Variants in PCDHGA4 observed in about 807,000 individuals in gnomAD.
PCDHGA4 encodes the protein protocadherin gamma subfamily A, 4, also known as protocadherin gamma-A4.
A neutral mutation model predicts 54.6 loss-of-function variants in PCDHGA4; 38 were observed. That is an observed-to-expected ratio of 0.70 (90% CI 0.54 to 0.91). The LOEUF is 0.91. Among genes scored for constraint, PCDHGA4 ranks in the 40% least tolerant of loss-of-function variants. The probability of loss-of-function intolerance (pLI) is 0.00; values close to 1 mark genes in which losing one functional copy is unlikely to be tolerated. For synonymous variants in PCDHGA4, 511 were observed against 512.9 expected (o/e 1.00, Z 0.05); for missense variants, 1,298 against 1,220.9 (o/e 1.06, Z -0.94).
At chr5:141,470,983 C>G (rs1486663328) in intron 1 of PCDHGA4, among the ~76,000 whole-genome samples, 2 of 151,528 alleles carry the variant, frequency 1.3e-5, no homozygotes, top group African/African-American at 4.9e-5. Context: ...TCCCAAAGTG[C>G]TGGGACTACA....
At chr5:141,441,527 A>G (rs2098252922) in intron 1 of PCDHGA4, 2 of 173,076 alleles carry the variant, frequency 1.2e-5, no homozygotes, top group African/African-American at 2.4e-5. Flanking sequence ...GTGGCCAAGA[A>G]CAATCTTCCC....
At chr5:141,374,195 G>A in intron 1 of PCDHGA4, 1 of 1,613,870 alleles carries the variant, frequency 6.2e-7, no homozygotes, top group Non-Finnish European at 8.5e-7. Context: ...TATTCCCGAG[G>A]AGCTGGAGAA....
chr5:141,426,909 G>A (rs1293364217), intron 1 of PCDHGA4: 1 of 456,744 alleles, frequency 2.2e-6, no homozygotes, highest in Non-Finnish European at 4.4e-6. Flanking sequence ...TCATCTCCTG[G>A]TCCTGGAAGC....
At position 141,355,180 on chromosome 5, in the gene PCDHGA4, C is replaced by A. The variant is rs1383852861; in HGVS notation, c.73C>A (p.Arg25=). Residue 25 remains arginine (R), a synonymous_variant, in exon 1 of 4, where the codon CGA becomes AGA. Transcript: ENST00000571252. ...ASTEGKPKHR[R]LRGGVVMAAP... ...GACAGAGGGAAAACCGAAGCACAGGCGACTCCGCGGCGGGGTTGTAATGGC... is the reference window on the plus strand; with the variant it reads ...GACAGAGGGAAAACCGAAGCACAGGAGACTCCGCGGCGGGGTTGTAATGGC... The A allele has an allele frequency of 1.3e-6, 2 of 1,582,206 alleles. No individual in the cohort carries two copies. The highest frequency in any genetic ancestry group is 4.6e-4 in the Middle Eastern group (2 of 4,356).
chr5:141,383,228 T>C (rs1778950138), intron 1 of PCDHGA4: 1 of 1,613,936 alleles, frequency 6.2e-7, no homozygotes, highest in Non-Finnish European at 8.5e-7. Context: ...AACATCCTGA[T>C]GGAAGATAAA....
chr5:141,376,111 C>A, intron 1 of PCDHGA4: 1 of 1,613,822 alleles, frequency 6.2e-7, no homozygotes, highest in Non-Finnish European at 8.5e-7. Flanking sequence ...CCGACCTGGG[C>A]AGCCTCGAGC....
chr5:141,374,902 C>A, intron 1 of PCDHGA4: 1 of 1,613,754 alleles, frequency 6.2e-7, no homozygotes, highest in South Asian at 1.1e-5. Context: ...ATGAAGGAGT[C>A]CACGGGGAAG....
Position 141,385,070 on chromosome 5 carries a change from T to C in PCDHGA4, c.2514+27449T>C, listed in dbSNP as rs766950021. 28 of 1,614,094 alleles carry C rather than the reference T, an allele frequency of 1.7e-5. No individual in the cohort carries two copies. In the South Asian group the frequency reaches 3.0e-4, roughly 17 times the overall value. ...CTGCGGCGCTGGCACAAGTCACGCC[T>C]GCTGCAGGCTTCAGAAGGTGGCTTG... On this transcript the variant is annotated intron_variant, in intron 1 of 3. Coordinates refer to ENST00000571252, the MANE Select transcript of PCDHGA4 (RefSeq NM_018917.4).
chr5:141,357,440 G>C lies in PCDHGA4; in HGVS notation c.2333G>C (p.Arg778Pro). Residue 778 changes from arginine to proline, a missense_variant, in exon 1 of 4, where the codon CGG becomes CCG. Transcript: ENST00000571252. ...CACTTTGTGGGCGTGGACGGGGTTCGGGCTTTCCTGCAGACCTATTCCCAC... is the reference window on the plus strand; with the variant it reads ...CACTTTGTGGGCGTGGACGGGGTTCCGGCTTTCCTGCAGACCTATTCCCAC... ...ASHFVGVDGV[R>P]AFLQTYSHEV... The C allele has an allele frequency of 6.2e-7, 1 of 1,614,198 alleles. No homozygotes were observed. The highest frequency in any genetic ancestry group is 8.5e-7 in the Non-Finnish European group (1 of 1,180,052).
chr5:141,394,276 C>T, intron 1 of PCDHGA4: 2 of 1,613,976 alleles, frequency 1.2e-6, no homozygotes, highest in South Asian at 1.1e-5. Flanking sequence ...GCCCAGGTCA[C>T]TTACTCTGTG....
intron 1 of PCDHGA4, chr5:141,370,488 C>T (rs758506114): frequency 1.2e-6 from 2 of 1,613,906 alleles, no homozygotes; most frequent in Admixed American, 3.3e-5. Flanking sequence ...TCTCTCCGAA[C>T]CGATCCGCTA....
chr5:141,383,159 C>A (rs769758778), intron 1 of PCDHGA4: 8 of 1,614,104 alleles, frequency 5.0e-6, no homozygotes, highest in Non-Finnish European at 5.9e-6. Context: ...TTGGTCACTG[C>A]GGGCAGGATA....
intron 1 of PCDHGA4, among the ~76,000 whole-genome samples, chr5:141,433,395 CTA>C (rs1426636882): frequency 1.1e-4 from 17 of 150,770 alleles, no homozygotes; most frequent in African/African-American, 4.1e-4. Flanking sequence ...ATCTATCTAT[CTA>C]TCTATCTATT....
chr5:141,402,839 C>T (rs2094312458), intron 1 of PCDHGA4: 1 of 1,386,198 alleles, frequency 7.2e-7, no homozygotes, highest in Non-Finnish European at 9.5e-7. Context: ...TGCAGCAAAA[C>T]TCAGCCTCTT....
chr5:141,413,090 C>T, intron 1 of PCDHGA4: 1 of 1,391,312 alleles, frequency 7.2e-7, no homozygotes, highest in South Asian at 1.4e-5. Flanking sequence ...ACAGAGACAC[C>T]CTGAAGCCAC....
chr5:141,392,962 A>G, intron 1 of PCDHGA4: 1 of 1,613,902 alleles, frequency 6.2e-7, no homozygotes, highest in Admixed American at 1.7e-5. Context: ...AATATCTCCA[A>G]GGACCTGGGG....
chr5:141,388,094 G>A (rs2091235940), intron 1 of PCDHGA4: 1 of 1,377,208 alleles, frequency 7.3e-7, no homozygotes, highest in Non-Finnish European at 1.0e-6. Flanking sequence ...GCGTCAGTTC[G>A]GAGAAGCCTT....
Position 141,490,942 on chromosome 5 carries a change from C to T in PCDHGA4, c.2515-3865C>T, listed in dbSNP as rs371286343. On this transcript the variant is annotated intron_variant, in intron 1 of 3. Coordinates refer to ENST00000571252, the MANE Select transcript of PCDHGA4 (RefSeq NM_018917.4). This position sits in a 1 kb window ranked among gnomAD's most constrained non-coding sequence, Gnocchi z 5.4. ...TAATGCCCCAGCTGTGCTGCACCCA[C>T]GGCCAGACTGGGAACACTCAGCCCC... 8.7e-5 allele frequency: 141 copies of T among 1,613,526 alleles called. No individual in the cohort carries two copies. Among genetic ancestry groups the T allele is most frequent in the Non-Finnish European group, 1.1e-4 (126 of 1,179,768 alleles).
At chr5:141,445,490 C>A (rs1181158971) in intron 1 of PCDHGA4, among the ~76,000 whole-genome samples, 1 of 152,134 alleles carries the variant, frequency 6.6e-6, no homozygotes, top group African/African-American at 2.4e-5. Flanking sequence ...AGTTAATGGG[C>A]CCTATTCTAA....
Sources: gnomAD v4.1 joint callset for allele counts (sites outside exome capture counted in the v4.1 genomes callset) on GRCh38, gnomAD v4.1.1 for gene constraint, Gnocchi (gnomAD v3.1) non-coding constraint, MANE v1.5 for transcripts, NCBI Gene and HGNC (gene_info 2026-07-23, HGNC 2026-07-21) for gene names.